The following TOP6BL variants were observed in gnomAD, a reference collection of about 807,000 sequenced individuals.
TOP6BL encodes TOP6B like initiator of meiotic double strand breaks, also known as type 2 DNA topoisomerase 6 subunit B-like.
chr11:66,808,143 G>GA, the TOP6BL span, among the ~76,000 whole-genome samples: 8 of 152,326 alleles, frequency 5.3e-5, no homozygotes, highest in Non-Finnish European at 8.8e-5. Context: ...CCAGGTGTAA[G>GA]AAAGGACAAG....
the TOP6BL span, chr11:66,828,345 G>C: frequency 6.2e-7 from 1 of 1,612,528 alleles, no homozygotes; most frequent in Non-Finnish European, 8.5e-7. Context: ...CTTCACCACT[G>C]CTCATGTGAG....
the TOP6BL span, among the ~76,000 whole-genome samples, chr11:66,842,071 C>T: frequency 1.3e-5 from 2 of 151,978 alleles, no homozygotes; most frequent in Admixed American, 1.3e-4. Flanking sequence ...GTGGCATGCG[C>T]CTGTGGTTCC....
At chr11:66,842,964 C>T in the TOP6BL span, 1 of 1,552,264 alleles carries the variant, frequency 6.4e-7, no homozygotes, top group African/African-American at 1.4e-5. Flanking sequence ...CCCCGCGCCG[C>T]CCGGAAGCCA....
chr11:66,826,427 C>T, the TOP6BL span, among the ~76,000 whole-genome samples: 9 of 151,982 alleles, frequency 5.9e-5, no homozygotes, highest in Non-Finnish European at 1.0e-4. Flanking sequence ...CAGTTAATAC[C>T]TTTATGTAAT....
chr11:66,799,891 G>C, the TOP6BL span, among the ~76,000 whole-genome samples: 35 of 151,908 alleles, frequency 2.3e-4, 1 homozygote, highest in Middle Eastern at 3.4e-3. Flanking sequence ...ACCAGCCTGG[G>C]CAATATGGTG....
the TOP6BL span, among the ~76,000 whole-genome samples, chr11:66,824,021 A>G: frequency 1.3e-5 from 2 of 152,210 alleles, no homozygotes; most frequent in Non-Finnish European, 2.9e-5. Flanking sequence ...GTTTAGGCCT[A>G]TAGTTCTGAG....
chr11:66,755,904 A>T, the TOP6BL span, among the ~76,000 whole-genome samples: 3,016 of 152,284 alleles, frequency 0.02, 111 homozygotes, highest in African/African-American at 0.067. Flanking sequence ...ACACCAGTCA[A>T]TGGACTCAGG....
the TOP6BL span, among the ~76,000 whole-genome samples, chr11:66,827,579 C>A: frequency 1.3e-5 from 2 of 151,918 alleles, no homozygotes; most frequent in African/African-American, 4.8e-5. Flanking sequence ...GCAGTAGAAC[C>A]TGTGCTGTCT....
the TOP6BL span, among the ~76,000 whole-genome samples, chr11:66,819,796 G>A: frequency 5.9e-5 from 9 of 151,714 alleles, no homozygotes; most frequent in African/African-American, 1.9e-4. Flanking sequence ...CCAGCTACTC[G>A]GGAGGCTGAG....
At chr11:66,834,335 G>A in the TOP6BL span, among the ~76,000 whole-genome samples, 5 of 152,176 alleles carry the variant, frequency 3.3e-5, no homozygotes, top group Admixed American at 3.3e-4. Flanking sequence ...CAGGGCAGAT[G>A]AGTGATCCAG....
At chr11:66,746,528 A>G in the TOP6BL span, among the ~76,000 whole-genome samples, 7 of 152,156 alleles carry the variant, frequency 4.6e-5, no homozygotes, top group Non-Finnish European at 1.0e-4. Flanking sequence ...CAGCCTGATC[A>G]AAATGGAGAA....
the TOP6BL span, chr11:66,796,508 G>A: frequency 1.5e-6 from 1 of 676,490 alleles, no homozygotes; most frequent in Non-Finnish European, 2.4e-6. Context: ...TTGAGGTCAT[G>A]GTGGCTCATA....
the TOP6BL span, chr11:66,758,302 C>CTTTTTTTTTTCTTTTTTTTT: frequency 1.5e-5 from 1 of 67,318 alleles, no homozygotes; most frequent in African/African-American, 7.1e-5. Flanking sequence ...TTTTCTTTTT[C>CTTTTTTTTTTCTTTTTTTTT]TTTTTTTTTT....
At chr11:66,810,382 A>G in the TOP6BL span, among the ~76,000 whole-genome samples, 2 of 152,234 alleles carry the variant, frequency 1.3e-5, no homozygotes, top group South Asian at 2.1e-4. Context: ...TAAAAACACA[A>G]AATATCCTTC....
chr11:66,799,687 CCAGCCTGGGCGA>C, the TOP6BL span, among the ~76,000 whole-genome samples: 5 of 152,024 alleles, frequency 3.3e-5, no homozygotes, highest in East Asian at 9.7e-4. Context: ...ACTCTGCACT[CCAGCCTGGGCGA>C]CAGACTGAAA....
At chr11:66,750,090 GT>G in the TOP6BL span, among the ~76,000 whole-genome samples, 1 of 151,996 alleles carries the variant, frequency 6.6e-6, no homozygotes, top group East Asian at 1.9e-4. Flanking sequence ...TACGTTCTTA[GT>G]TATCAATATC....
the TOP6BL span, chr11:66,815,779 G>T: frequency 6.8e-6 from 2 of 295,834 alleles, no homozygotes; most frequent in East Asian, 5.8e-5. Context: ...AGGAATCAAT[G>T]AATTTATTGT....
chr11:66,817,984 C>A, the TOP6BL span, among the ~76,000 whole-genome samples: 1 of 152,158 alleles, frequency 6.6e-6, no homozygotes, highest in Non-Finnish European at 1.5e-5. Flanking sequence ...AGGAAAGTTA[C>A]AAGGAGAAGT....
chr11:66,830,807 C>T, the TOP6BL span, among the ~76,000 whole-genome samples: 1 of 152,168 alleles, frequency 6.6e-6, no homozygotes, highest in Admixed American at 6.5e-5. Flanking sequence ...ACGAAGCCCA[C>T]TCAAGAAGAA....
Sources: allele counts gnomAD v4.1 joint callset (sites outside exome capture counted in the v4.1 genomes callset), GRCh38; gene constraint gnomAD v4.1.1; transcripts MANE v1.5; gene names NCBI Gene and HGNC (gene_info 2026-07-23, HGNC 2026-07-21).